Variants in MED27 observed in about 807,000 individuals in gnomAD.
The protein encoded by MED27 is mediator of RNA polymerase II transcription subunit 27.
In MED27, 30 loss-of-function variants were observed where a neutral mutation model predicts 38.2. The ratio of observed to expected loss-of-function variants is 0.79; its 90% CI spans 0.59 to 1.07. The LOEUF is 1.07. Ranked by LOEUF, MED27 falls within the 50% of genes least tolerant of loss-of-function variation. The probability of loss-of-function intolerance (pLI) is 0.00; values close to 1 mark genes in which losing one functional copy is unlikely to be tolerated. For synonymous variants in MED27, 122 were observed against 153.5 expected, an observed-to-expected ratio of 0.79 and a Z score of 1.52; for missense variants, 289 against 397.5, an observed-to-expected ratio of 0.73 and a Z score of 2.32.
Position 131,860,490 on chromosome 9 carries a change from G to C in MED27, c.*48C>G. The C allele has an allele frequency of 6.8e-7, 1 of 1,469,640 alleles. No individual in the cohort carries two copies. Among genetic ancestry groups the C allele is most frequent in the African/African-American group, 1.4e-5 (1 of 69,988 alleles). 91.0% of individuals were successfully genotyped at this position (1,469,640 alleles called of 1,614,324 possible). On this transcript the variant is annotated 3_prime_UTR_variant, in exon 8 of 8. Coordinates refer to ENST00000292035, the MANE Select transcript of MED27 (RefSeq NM_004269.4). The surrounding 1 kb of genome is among the most constrained non-coding windows in gnomAD (Gnocchi z 5.8). ...TGAGCCTTCTGTGGGCTTCCTGCGT[G>C]TCTGGGAAGGTGCTGGGTGGGGTCT... is the stretch of plus-strand genomic sequence containing the variant.
At position 131,953,137 on chromosome 9, in the gene MED27, G is replaced by A. The variant is rs555038635; in HGVS notation, c.480-13663C>T. 1.4e-4 allele frequency among the ~76,000 whole-genome samples: 21 copies of A among 152,342 alleles called. No individual in the cohort carries two copies. In the South Asian group the frequency reaches 3.5e-3, roughly 26 times the overall value. ...ATTCATTTAATAATTTTCCCCTGGAGTATTTTAACTGTGGATGCGGCTAGT... is the reference window on the plus strand; with the variant it reads ...ATTCATTTAATAATTTTCCCCTGGAATATTTTAACTGTGGATGCGGCTAGT... On this transcript the variant is annotated intron_variant, in intron 3 of 7. Transcript: ENST00000292035.
In MED27 at chr9:131,939,082, T is replaced by C. The variant is rs150692827; in HGVS notation, c.573+299A>G. On this transcript the variant is annotated intron_variant, in intron 4 of 7. Coordinates refer to ENST00000292035, the MANE Select transcript of MED27 (RefSeq NM_004269.4). The stretch of plus-strand genomic sequence containing the variant: ...GTCTACTATACTCCTTTGGGGAAAA[T>C]AGAAAACAGATTCGCCAAAACATTG... 9.9e-5 allele frequency among the ~76,000 whole-genome samples: 15 copies of C among 152,204 alleles called. No individual in the cohort carries two copies. The East Asian group carries it at 2.9e-3, about 29-fold the overall frequency.
At chr9:131,886,507 G>A (rs561512963) in intron 5 of MED27, among the ~76,000 whole-genome samples, 1 of 152,186 alleles carries the variant, frequency 6.6e-6, no homozygotes, top group African/African-American at 2.4e-5. Context: ...TTCTACTCTG[G>A]CTAAACTGCT....
intron 3 of MED27, among the ~76,000 whole-genome samples, chr9:131,949,843 C>T (rs1306702968): frequency 6.6e-6 from 1 of 152,120 alleles, no homozygotes; most frequent in Non-Finnish European, 1.5e-5. Flanking sequence ...GGTTAAACGT[C>T]CTGAAGTTCT....
At chr9:132,056,372 T>C (rs1473365952) in intron 2 of MED27, among the ~76,000 whole-genome samples, 1 of 152,094 alleles carries the variant, frequency 6.6e-6, no homozygotes, top group East Asian at 1.9e-4. Context: ...CCCTAGTAAA[T>C]AATTACACAG....
At chr9:131,916,918 A>T (rs1830300787) in intron 4 of MED27, among the ~76,000 whole-genome samples, 1 of 152,184 alleles carries the variant, frequency 6.6e-6, no homozygotes, top group South Asian at 2.1e-4. Context: ...GCATAAAGGA[A>T]GGTGGGGCTA....
intron 4 of MED27, among the ~76,000 whole-genome samples, chr9:131,898,472 T>C (rs1466707529): frequency 1.3e-5 from 2 of 152,130 alleles, no homozygotes; most frequent in African/African-American, 2.4e-5. Flanking sequence ...GCCCTCGGCC[T>C]CCCAAAGTGC....
chr9:132,039,889 A>G (rs1182340303), intron 2 of MED27, among the ~76,000 whole-genome samples: 4 of 152,208 alleles, frequency 2.6e-5, no homozygotes, highest in African/African-American at 9.7e-5. Context: ...CTTATAAAAG[A>G]TAGTACTTCT....
At chr9:131,973,993 G>A (rs916000699) in intron 3 of MED27, among the ~76,000 whole-genome samples, 9 of 151,854 alleles carry the variant, frequency 5.9e-5, no homozygotes, top group Admixed American at 1.3e-4. Context: ...GATTACAGGC[G>A]TGAGCCACCG....
chr9:131,899,113 G>A (rs1485742483), intron 4 of MED27, among the ~76,000 whole-genome samples: 1 of 152,214 alleles, frequency 6.6e-6, no homozygotes, highest in Non-Finnish European at 1.5e-5. Context: ...GTGCTCAGTG[G>A]CAATGCTATT....
chr9:131,956,912 G>A (rs1288074165), intron 3 of MED27, among the ~76,000 whole-genome samples: 2 of 151,352 alleles, frequency 1.3e-5, no homozygotes, highest in East Asian at 3.9e-4. Flanking sequence ...TTGTAACAAG[G>A]ACATGCCAAT....
At chr9:131,947,858 T>C (rs1474047043) in intron 3 of MED27, among the ~76,000 whole-genome samples, 1 of 152,234 alleles carries the variant, frequency 6.6e-6, no homozygotes, top group Admixed American at 6.5e-5. Flanking sequence ...CATATATTAA[T>C]AGACCACCTT....
chr9:131,966,020 TC>T (rs1285292318), intron 3 of MED27, among the ~76,000 whole-genome samples: 1 of 150,038 alleles, frequency 6.7e-6, no homozygotes, highest in Non-Finnish European at 1.5e-5. Context: ...ACCATGCGCA[TC>T]CCAGAGAGGA....
chr9:132,078,378 T>C (rs1398597122), intron 1 of MED27, among the ~76,000 whole-genome samples: 1 of 152,064 alleles, frequency 6.6e-6, no homozygotes, highest in African/African-American at 2.4e-5. Flanking sequence ...CTATTTAAAA[T>C]GGTGAAGGGT....
Position 132,051,041 on chromosome 9 carries a change from C to T in MED27, c.348+26401G>A, listed in dbSNP as rs1380992215. Among the ~76,000 whole-genome samples the T allele has an allele frequency of 6.6e-6, 1 of 152,208 alleles. No individual in the cohort carries two copies. The highest frequency in any genetic ancestry group is 1.5e-5 in the Non-Finnish European group (1 of 68,046). On this transcript the variant is annotated intron_variant, in intron 2 of 7. Coordinates refer to ENST00000292035, the MANE Select transcript of MED27 (RefSeq NM_004269.4). This position sits in a 1 kb window ranked among gnomAD's most constrained non-coding sequence, Gnocchi z 4.2. ...CTCAACACATGCATCTATACAACTG[C>T]ACATTCACCCACACACACTGCAGCG...
chr9:132,050,364 G>C (rs1833437034), intron 2 of MED27, among the ~76,000 whole-genome samples: 1 of 152,216 alleles, frequency 6.6e-6, no homozygotes, highest in East Asian at 1.9e-4. Flanking sequence ...GGGCGGTCCA[G>C]GTGCCGGGCT....
intron 2 of MED27, among the ~76,000 whole-genome samples, chr9:132,063,764 G>A (rs1038657481): frequency 1.1e-4 from 17 of 152,140 alleles, no homozygotes; most frequent in Non-Finnish European, 4.4e-5. Context: ...TCAGGGGCAG[G>A]GGGAATGGCA....
At chr9:131,957,016 A>C (rs1285759113) in intron 3 of MED27, among the ~76,000 whole-genome samples, 1 of 152,196 alleles carries the variant, frequency 6.6e-6, no homozygotes, top group Non-Finnish European at 1.5e-5. Context: ...GGCTAAAATA[A>C]CAAGAACTGG....
At chr9:131,868,568 G>T (rs1399922299) in intron 6 of MED27, 1 of 983,348 alleles carries the variant, frequency 1.0e-6, no homozygotes, top group Admixed American at 6.2e-5. Flanking sequence ...GCGCCACTGC[G>T]CCCGGCCCAC....
Sources: allele counts gnomAD v4.1 joint callset (sites outside exome capture counted in the v4.1 genomes callset), GRCh38; gene constraint gnomAD v4.1.1; non-coding constraint Gnocchi (gnomAD v3.1); transcripts MANE v1.5; gene names NCBI Gene and HGNC (gene_info 2026-07-23, HGNC 2026-07-21).